Variants in ZNF469 observed in about 807,000 individuals in gnomAD.
The protein encoded by ZNF469 is zinc finger protein 469.
ZNF469 carries 1 observed loss-of-function variant against 1.0 expected under a neutral mutation model. The observed-to-expected ratio is 1.00, with a 90% confidence interval of 0.35 to 4.73. The LOEUF is 4.73. Among genes scored for constraint, ZNF469 ranks in the 30% most tolerant of loss-of-function variants. The pLI, the probability that ZNF469 is intolerant of heterozygous loss-of-function variation, is 0.16. For missense variants in ZNF469, 6,100 were observed against 5,356.3 expected (o/e 1.14, Z -4.33); for synonymous variants, 2,703 against 2,363.4 (o/e 1.14, Z -4.17).
chr16:88,336,188 T>C, the ZNF469 span, among the ~76,000 whole-genome samples: 1 of 148,934 alleles, frequency 6.7e-6, no homozygotes, highest in Non-Finnish European at 1.5e-5. Flanking sequence ...CATTCATCCT[T>C]CACTTGAGAC....
chr16:88,274,182 A>T, the ZNF469 span, among the ~76,000 whole-genome samples: 2 of 152,224 alleles, frequency 1.3e-5, no homozygotes, highest in Non-Finnish European at 2.9e-5. Flanking sequence ...CTGCTCAATG[A>T]AATAAGCCAG....
the ZNF469 span, among the ~76,000 whole-genome samples, chr16:88,376,261 T>TGCTCAGCTGA: frequency 7.2e-5 from 11 of 152,188 alleles, no homozygotes; most frequent in African/African-American, 2.7e-4. Flanking sequence ...CTGAGCAAAA[T>TGCTCAGCTGA]GTAAATGCGT....
the ZNF469 span, among the ~76,000 whole-genome samples, chr16:88,240,825 C>T: frequency 1.6e-4 from 24 of 152,290 alleles, no homozygotes; most frequent in Admixed American, 1.0e-3. Context: ...AAGTCCTTCC[C>T]GGCCCACTTC....
chr16:88,305,027 C>A, the ZNF469 span, among the ~76,000 whole-genome samples: 2 of 152,134 alleles, frequency 1.3e-5, no homozygotes, highest in Admixed American at 1.3e-4. Flanking sequence ...GAAGCTAGAG[C>A]AGTAGAGGCC....
chr16:88,367,573 G>A, the ZNF469 span, among the ~76,000 whole-genome samples: 29 of 152,338 alleles, frequency 1.9e-4, no homozygotes, highest in East Asian at 4.2e-3. Flanking sequence ...CGCCTGTGAT[G>A]AACTGAAGCA....
At chr16:88,222,547 TGG>T in the ZNF469 span, among the ~76,000 whole-genome samples, 1 of 152,168 alleles carries the variant, frequency 6.6e-6, no homozygotes, top group Non-Finnish European at 1.5e-5. Context: ...CGCCTGAGGT[TGG>T]GAGTTTGAGT....
chr16:88,271,745 A>T, the ZNF469 span, among the ~76,000 whole-genome samples: 2 of 151,842 alleles, frequency 1.3e-5, no homozygotes, highest in East Asian at 3.9e-4. Context: ...CAAGAACTCA[A>T]CAGAGTTGGG....
At chr16:88,247,723 G>C in the ZNF469 span, among the ~76,000 whole-genome samples, 6 of 152,108 alleles carry the variant, frequency 3.9e-5, no homozygotes, top group Non-Finnish European at 8.8e-5. Flanking sequence ...GTCAATGAGC[G>C]AGTGAGTGAG....
the ZNF469 span, among the ~76,000 whole-genome samples, chr16:88,267,128 G>A: frequency 7.3e-3 from 1,115 of 152,270 alleles, 12 homozygotes; most frequent in African/African-American, 0.025. Flanking sequence ...ACTGGCTGGC[G>A]GCACCCTCCA....
the ZNF469 span, among the ~76,000 whole-genome samples, chr16:88,109,395 C>T: frequency 6.6e-6 from 1 of 152,264 alleles, no homozygotes; most frequent in Non-Finnish European, 1.5e-5. Context: ...AGATCTGTTT[C>T]CTGGGACCCA....
chr16:88,333,674 G>A, the ZNF469 span, among the ~76,000 whole-genome samples: 1 of 141,364 alleles, frequency 7.1e-6, no homozygotes, highest in African/African-American at 2.5e-5. Context: ...CTTTGCATGT[G>A]TGGCCGGGGC....
chr16:88,193,300 G>T, the ZNF469 span, among the ~76,000 whole-genome samples: 460 of 141,594 alleles, frequency 3.2e-3, 3 homozygotes, highest in Non-Finnish European at 5.6e-3. Context: ...GGTGGTGGTG[G>T]GGTTGGTGGT....
the ZNF469 span, among the ~76,000 whole-genome samples, chr16:88,123,265 A>G: frequency 2.6e-5 from 4 of 152,144 alleles, no homozygotes; most frequent in African/African-American, 4.8e-5. Context: ...GGCAGCATGC[A>G]CTGGCTGTGT....
the ZNF469 span, chr16:88,177,651 A>G: frequency 6.6e-6 from 1 of 152,162 alleles, no homozygotes; most frequent in African/African-American, 2.4e-5. The surrounding 1 kb of genome is among the most constrained non-coding windows in gnomAD (Gnocchi z 4.8). Flanking sequence ...TTTCTGTTGC[A>G]TCAGAGTGAA....
the ZNF469 span, among the ~76,000 whole-genome samples, chr16:88,373,492 T>C: frequency 6.6e-6 from 1 of 152,184 alleles, no homozygotes; most frequent in Non-Finnish European, 1.5e-5. Flanking sequence ...GGAGATCTGG[T>C]CCCACCCTGC....
the ZNF469 span, among the ~76,000 whole-genome samples, chr16:88,222,933 C>T: frequency 6.6e-6 from 1 of 152,242 alleles, no homozygotes; most frequent in Non-Finnish European, 1.5e-5. Flanking sequence ...CAGCCTCTCC[C>T]TACAGCACCC....
chr16:88,210,420 C>G, the ZNF469 span, among the ~76,000 whole-genome samples: 7 of 152,094 alleles, frequency 4.6e-5, no homozygotes, highest in Non-Finnish European at 8.8e-5. Context: ...TCCATCTTCT[C>G]TAGTGTTGCA....
rs761748460 is a variant in ZNF469, at chr16:88,437,300, G to A, written c.9830G>A (p.Ser3277Asn). The A allele has an allele frequency of 1.3e-6, 2 of 1,547,434 alleles. No individual in the cohort carries two copies. Among genetic ancestry groups the A allele is most frequent in the Non-Finnish European group, 1.7e-6 (2 of 1,145,326 alleles). Residue 3277 changes from serine to asparagine, a missense_variant, in exon 3 of 3, where the codon AGC becomes AAC. By Grantham distance (46) the Ser-to-Asn change is conservative. Coordinates refer to ENST00000565624, the MANE Select transcript of ZNF469 (RefSeq NM_001367624.2). ...PGERAKPRAR[S>N]TPSNPDGAAT... Reference sequence around the variant, plus strand: ...GAGAGGGCGAAACCCCGGGCACGCAGCACCCCCAGCAACCCAGACGGGGCC... The same window carrying A: ...GAGAGGGCGAAACCCCGGGCACGCAACACCCCCAGCAACCCAGACGGGGCC...
Position 88,431,595 on chromosome 16 carries a change from C to A in ZNF469, c.4125C>A (p.Pro1375=). 1 of 1,550,478 alleles carries A rather than the reference C, an allele frequency of 6.4e-7. No individual in the cohort carries two copies. The highest frequency in any genetic ancestry group is 1.2e-5 in the South Asian group (1 of 84,062). Residue 1375 remains proline (P), a synonymous_variant, in exon 3 of 3, where the codon CCC becomes CCA. Transcript: ENST00000565624. The part of the protein sequence containing the change: ...GVPVAKKGPQ[P]YSSPHSELFL... Reference sequence around the variant, plus strand: ...CAGTTGCCAAAAAGGGGCCTCAGCCCTACAGCAGCCCCCACAGTGAGTTGT... The same window carrying A: ...CAGTTGCCAAAAAGGGGCCTCAGCCATACAGCAGCCCCCACAGTGAGTTGT...
Sources: allele counts gnomAD v4.1 joint callset (sites outside exome capture counted in the v4.1 genomes callset), GRCh38; gene constraint gnomAD v4.1.1; non-coding constraint Gnocchi (gnomAD v3.1); transcripts MANE v1.5; gene names NCBI Gene and HGNC (gene_info 2026-07-23, HGNC 2026-07-21).